The following HPSE2 variants were observed in gnomAD, a reference collection of about 807,000 sequenced individuals.
The protein encoded by HPSE2 is inactive heparanase-2.
HPSE2 carries 38 observed loss-of-function variants against 60.5 expected under a neutral mutation model. That is an observed-to-expected ratio of 0.63 (90% confidence interval 0.48 to 0.82). The LOEUF (loss-of-function observed/expected upper bound fraction) is 0.82, where lower values mean the gene tolerates loss of function less well. Among genes scored for constraint, HPSE2 ranks in the 40% least tolerant of loss-of-function variants. HPSE2 has a pLI of 0.00. For synonymous variants in HPSE2, 295 were observed against 293.2 expected, an observed-to-expected ratio of 1.01 and a Z score of -0.06; for missense variants, 713 against 740.4, an observed-to-expected ratio of 0.96 and a Z score of 0.43.
chr10:98,812,976 A>G (rs1185515019), intron 3 of HPSE2, among the ~76,000 whole-genome samples: 2 of 152,168 alleles, frequency 1.3e-5, no homozygotes, highest in Non-Finnish European at 2.9e-5. Context: ...CATGAACCAA[A>G]GCTCATGTAG....
At chr10:98,660,584 G>A (rs917498613) in intron 6 of HPSE2, among the ~76,000 whole-genome samples, 12 of 152,232 alleles carry the variant, frequency 7.9e-5, no homozygotes, top group African/African-American at 2.9e-4. Flanking sequence ...GGCTGGCAAG[G>A]GAGCCCATTT....
chr10:98,904,921 A>T (rs1157102879), intron 3 of HPSE2, among the ~76,000 whole-genome samples: 1 of 152,222 alleles, frequency 6.6e-6, no homozygotes, highest in Non-Finnish European at 1.5e-5. Context: ...ACTACTTGAC[A>T]TTTAATATTT....
intron 3 of HPSE2, among the ~76,000 whole-genome samples, chr10:98,915,898 T>C (rs576954066): frequency 1.1e-4 from 16 of 151,822 alleles, no homozygotes; most frequent in Middle Eastern, 3.5e-3. Flanking sequence ...AAGAGTGCAA[T>C]GGACAGGAGA....
At chr10:98,879,127 A>G (rs1024047681) in intron 3 of HPSE2, among the ~76,000 whole-genome samples, 3 of 152,036 alleles carry the variant, frequency 2.0e-5, no homozygotes, top group African/African-American at 4.8e-5. Flanking sequence ...GGAGCTGTCA[A>G]TGTGGTGAAT....
intron 3 of HPSE2, among the ~76,000 whole-genome samples, chr10:98,885,863 C>T (rs1953149402): frequency 1.3e-5 from 2 of 152,042 alleles, no homozygotes; most frequent in South Asian, 4.2e-4. Flanking sequence ...CTGTGTATCT[C>T]TGAGGCAGGT....
At chr10:99,253,510 GA>G in the HPSE2 span, among the ~76,000 whole-genome samples, 2 of 152,000 alleles carry the variant, frequency 1.3e-5, no homozygotes, top group Non-Finnish European at 2.9e-5. Context: ...AATCCTAGAA[GA>G]AAACCTAGGA....
At chr10:99,014,133 C>T (rs901667714) in intron 3 of HPSE2, among the ~76,000 whole-genome samples, 5 of 152,198 alleles carry the variant, frequency 3.3e-5, no homozygotes, top group Non-Finnish European at 7.3e-5. Flanking sequence ...CTGCCACACG[C>T]GAGTCCCTGC....
rs1388892387 is a variant in HPSE2 at position 99,197,096 on chromosome 10, T to C, written c.448+35252A>G. ...CACCATGGATGGAAATAGAAATCAT[T>C]ATGTTAAGTGAAATAAGCCAGGCAC... On this transcript the variant is annotated intron_variant, in intron 2 of 11. Transcript: ENST00000370552. Among the ~76,000 whole-genome samples the C allele has an allele frequency of 9.9e-5, 15 of 152,252 alleles. No individual in the cohort carries two copies. In the East Asian group the frequency reaches 2.9e-3, roughly 29 times the overall value.
chr10:98,763,678 G>A (rs1438920445), intron 3 of HPSE2, among the ~76,000 whole-genome samples: 1 of 151,198 alleles, frequency 6.6e-6, no homozygotes, highest in Non-Finnish European at 1.5e-5. Context: ...AAACTATGGA[G>A]ATCAGAAGAA....
rs541148497 is a variant in HPSE2 at position 98,733,143 on chromosome 10, C to T, written c.784+10740G>A. Among the ~76,000 whole-genome samples the T allele has an allele frequency of 9.9e-5, 15 of 152,212 alleles. 1 individual carries two copies. In the South Asian group the frequency reaches 3.1e-3, roughly 32 times the overall value. ...CTATTGTGTGTGTATGTGTGTGACA[C>T]AGGGTCTTGCTCTGTTACCCAGGCT... On this transcript the variant is annotated intron_variant, in intron 4 of 11. Transcript: ENST00000370552.
the HPSE2 span, among the ~76,000 whole-genome samples, chr10:99,291,201 G>A: frequency 6.6e-6 from 1 of 152,122 alleles, no homozygotes; most frequent in Non-Finnish European, 1.5e-5. Context: ...ACAGGGGATG[G>A]ATCAAAACCA....
chr10:99,101,278 A>G (rs1843970672), intron 3 of HPSE2, among the ~76,000 whole-genome samples: 1 of 152,196 alleles, frequency 6.6e-6, no homozygotes, highest in Admixed American at 6.5e-5. Flanking sequence ...GGCTCAAAAT[A>G]AAGGGATGGA....
At chr10:99,186,540 CTCAAAA>C (rs1848033348) in intron 2 of HPSE2, among the ~76,000 whole-genome samples, 1 of 41,096 alleles carries the variant, frequency 2.4e-5, no homozygotes, top group East Asian at 9.6e-4. Context: ...GAGACTCCAT[CTCAAAA>C]AAAAAAAAAA....
intron 2 of HPSE2, among the ~76,000 whole-genome samples, chr10:99,190,598 G>A (rs1848186280): frequency 1.3e-5 from 2 of 152,098 alleles, no homozygotes. Flanking sequence ...CTCAGGCCCA[G>A]ACTTTCTCAA....
intron 3 of HPSE2, among the ~76,000 whole-genome samples, chr10:99,019,234 T>C (rs1957208292): frequency 6.6e-6 from 1 of 152,226 alleles, no homozygotes; most frequent in Non-Finnish European, 1.5e-5. Context: ...ATGTGTTAGC[T>C]GCTTGCTGGG....
intron 3 of HPSE2, among the ~76,000 whole-genome samples, chr10:98,968,857 G>T (rs1007973576): frequency 9.2e-5 from 14 of 151,990 alleles, no homozygotes; most frequent in African/African-American, 3.4e-4. Flanking sequence ...AGGGTGGGAG[G>T]GGGGTCAGGG....
chr10:98,752,738 C>T (rs975799689), intron 3 of HPSE2, among the ~76,000 whole-genome samples: 8 of 152,152 alleles, frequency 5.3e-5, no homozygotes, highest in African/African-American at 1.9e-4. Context: ...GATATCTGCA[C>T]TCCCATGTTT....
chr10:99,281,714 A>G, the HPSE2 span, among the ~76,000 whole-genome samples: 2 of 152,194 alleles, frequency 1.3e-5, no homozygotes, highest in Non-Finnish European at 2.9e-5. Context: ...TTATTAAAAG[A>G]GTTTGTCTCA....
the HPSE2 span, among the ~76,000 whole-genome samples, chr10:99,242,572 T>C: frequency 6.6e-6 from 1 of 152,210 alleles, no homozygotes; most frequent in African/African-American, 2.4e-5. Context: ...ATTACTCATG[T>C]CTTAGTTACA....
Sources: gnomAD v4.1 joint callset for allele counts (sites outside exome capture counted in the v4.1 genomes callset) on GRCh38, gnomAD v4.1.1 for gene constraint, MANE v1.5 for transcripts, NCBI Gene and HGNC (gene_info 2026-07-23, HGNC 2026-07-21) for gene names.